Variants in SYNE1 observed in about 807,000 individuals in gnomAD.
The protein encoded by SYNE1 is spectrin repeat containing nuclear envelope protein 1, also known as nesprin-1.
Under a neutral mutation model 1,111.0 loss-of-function variants are expected in SYNE1, and 616 were observed. The ratio of observed to expected loss-of-function variants is 0.55; its 90% confidence interval spans 0.52 to 0.59. The LOEUF (loss-of-function observed/expected upper bound fraction) is 0.59. SYNE1 is among the 20% of genes least tolerant of loss of function. The pLI is 0.00. For synonymous variants in SYNE1, 3,855 were observed against 3,825.8 expected (o/e 1.01, Z -0.28); for missense variants, 10,006 against 10,417.0 (o/e 0.96, Z 1.72).
At chr6:152,186,941 T>C (rs1269228106) in intron 128 of SYNE1, among the ~76,000 whole-genome samples, 7 of 152,210 alleles carry the variant, frequency 4.6e-5, no homozygotes, top group African/African-American at 1.7e-4. Context: ...TACATCATGA[T>C]AAAGTCTTTA....
chr6:152,425,341 C>A (rs1295218849), intron 39 of SYNE1, 40 bp downstream of exon 39: 4 of 1,594,174 alleles, frequency 2.5e-6, no homozygotes, highest in Non-Finnish European at 1.7e-6. Context: ...CATTTAAAAA[C>A]AAATGAACAA....
At chr6:152,495,446 A>G (rs1375131021) in intron 11 of SYNE1, among the ~76,000 whole-genome samples, 3 of 152,214 alleles carry the variant, frequency 2.0e-5, no homozygotes, top group African/African-American at 7.2e-5. Flanking sequence ...CTAGTGTTAG[A>G]TATGAGTTCT....
intron 128 of SYNE1, among the ~76,000 whole-genome samples, chr6:152,182,611 T>A (rs2068433688): frequency 6.6e-6 from 1 of 152,202 alleles, no homozygotes; most frequent in South Asian, 2.1e-4. Context: ...AATGAAAATA[T>A]TTCTAAGGTA....
At chr6:152,403,755 C>CA (rs2097853860) in intron 46 of SYNE1, among the ~76,000 whole-genome samples, 2 of 151,488 alleles carry the variant, frequency 1.3e-5, no homozygotes, top group East Asian at 3.9e-4. Context: ...TCAAAAACAC[C>CA]AAAAAAAGAG....
chr6:152,419,654 A>G lies in SYNE1; in HGVS notation c.5336T>C (p.Val1779Ala). ...TTCACTGAGAAACAGTTTAATCCAG[A>G]CAGAAAAGGAAAGCAGCAGCTCATC... ...QFDELLLSFS[V>A]WIKLFLSELQ... The change falls in exon 40 of 146, where the codon GTC (valine) becomes GCC (alanine). Residue 1779 changes from valine (V) to alanine (A), a missense_variant. Coordinates refer to ENST00000367255, the MANE Select transcript of SYNE1 (RefSeq NM_182961.4). 6.2e-7 allele frequency: 1 copy of G among 1,614,092 alleles called. No homozygotes were observed. The highest frequency in any genetic ancestry group is 1.7e-5 in the Admixed American group (1 of 60,026).
chr6:152,361,713 T>C (rs181070410), intron 64 of SYNE1, among the ~76,000 whole-genome samples: 131 of 152,242 alleles, frequency 8.6e-4, no homozygotes, highest in African/African-American at 2.9e-3. Flanking sequence ...TAAAACTTCA[T>C]GTTTGAATAC....
chr6:152,240,801 C>A (rs2085457526), intron 107 of SYNE1, among the ~76,000 whole-genome samples: 1 of 152,190 alleles, frequency 6.6e-6, no homozygotes, highest in Admixed American at 6.5e-5. Flanking sequence ...CATAGCTAGT[C>A]ACGGCAGAGC....
Position 152,148,141 on chromosome 6 carries a change from C to A in SYNE1, c.24880G>T (p.Asp8294Tyr), listed in dbSNP as rs779820184. ...EWDHDYDLSR[D>Y]LESAMSRALP... is the part of the protein sequence containing the mutation. ...GCTCTGGACATTGCAGACTCCAGGT[C>A]CCGACTGAGGTCATAGTCGTGATCC... Residue 8294 changes from aspartate (D) to tyrosine (Y), a missense_variant, in exon 137 of 146, where the codon GAC becomes TAC. Around this residue, in one of 7 missense-constraint regions of SYNE1, gnomAD observed 761 missense variants for 795.5 expected, o/e 0.96. Coordinates refer to ENST00000367255, the MANE Select transcript of SYNE1 (RefSeq NM_182961.4). This position sits in a 1 kb window ranked among gnomAD's most constrained non-coding sequence, Gnocchi z 4.1. 3.7e-6 allele frequency: 6 copies of A among 1,614,202 alleles called. No individual in the cohort carries two copies. In the East Asian group the frequency reaches 8.9e-5, roughly 24 times the overall value.
intron 95 of SYNE1, among the ~76,000 whole-genome samples, chr6:152,288,968 G>A (rs957071737): frequency 6.6e-6 from 1 of 152,182 alleles, no homozygotes; most frequent in African/African-American, 2.4e-5. Flanking sequence ...CCAGGCTCAG[G>A]GGGGGCGTGA....
chr6:152,483,331 A>T, intron 13 of SYNE1, 82 bp from the exon 14 acceptor site: 5 of 1,161,496 alleles, frequency 4.3e-6, no homozygotes, highest in Non-Finnish European at 6.4e-6. Flanking sequence ...ATAGTAAAGC[A>T]TACATAAAGC....
chr6:152,181,712 T>C (rs1207728046), intron 128 of SYNE1, among the ~76,000 whole-genome samples: 1 of 152,222 alleles, frequency 6.6e-6, no homozygotes, highest in Non-Finnish European at 1.5e-5. Context: ...CTCATCTTAT[T>C]TGGGTTGTTT....
intron 131 of SYNE1, among the ~76,000 whole-genome samples, chr6:152,158,054 G>T (rs2061723211): frequency 6.6e-6 from 1 of 152,166 alleles, no homozygotes; most frequent in Admixed American, 6.5e-5. Context: ...ACTGCGCCTG[G>T]CATAGAGCAA....
chr6:152,153,844 T>G (rs1227408018), intron 133 of SYNE1, among the ~76,000 whole-genome samples: 2 of 152,224 alleles, frequency 1.3e-5, no homozygotes, highest in African/African-American at 4.8e-5. Context: ...TTGAACATTT[T>G]TCTAGATTCA....
intron 128 of SYNE1, among the ~76,000 whole-genome samples, chr6:152,184,745 G>A (rs73780634): frequency 0.074 from 11,196 of 151,878 alleles, 537 homozygotes; most frequent in African/African-American, 0.14. Context: ...TTCTTACCAC[G>A]GAGCTACACC....
chr6:152,442,002 G>C (rs2154232352), intron 31 of SYNE1, 73 bp downstream of exon 31: 4 of 1,561,516 alleles, frequency 2.6e-6, no homozygotes, highest in Non-Finnish European at 2.6e-6. Context: ...GTTCGCCTTG[G>C]TGTTATGAGG....
intron 135 of SYNE1, 95 bp from the exon 136 acceptor site, chr6:152,149,763 A>G: frequency 9.1e-7 from 1 of 1,094,358 alleles, no homozygotes; most frequent in African/African-American, 1.6e-5. Context: ...ACATTAAAAA[A>G]GACATGTAGG....
intron 78 of SYNE1, among the ~76,000 whole-genome samples, chr6:152,327,332 T>C (rs1023755960): frequency 2.6e-5 from 4 of 151,302 alleles, no homozygotes; most frequent in African/African-American, 7.3e-5. Flanking sequence ...AAAAGAAATA[T>C]AGCAACATCA....
At chr6:152,274,673 T>G (rs6926929) in intron 98 of SYNE1, among the ~76,000 whole-genome samples, 9,759 of 152,230 alleles carry the variant, frequency 0.064, 339 homozygotes, top group South Asian at 0.1. Flanking sequence ...CTCGGCTCAC[T>G]GCAACCTCTG....
At chr6:152,619,386 T>C (rs926569282) in intron 3 of SYNE1, among the ~76,000 whole-genome samples, 1 of 152,168 alleles carries the variant, frequency 6.6e-6, no homozygotes, top group African/African-American at 2.4e-5. Flanking sequence ...CAGATGCAGA[T>C]GCAATTTCCC....
Sources: gnomAD v4.1 joint callset for allele counts (sites outside exome capture counted in the v4.1 genomes callset) on GRCh38, gnomAD v4.1.1 for gene constraint, gnomAD v4.1.1 regional missense constraint, Gnocchi (gnomAD v3.1) non-coding constraint, MANE v1.5 for transcripts, NCBI Gene and HGNC (gene_info 2026-07-23, HGNC 2026-07-21) for gene names.